The following GCNT1 variants were observed in gnomAD, a reference collection of about 807,000 sequenced individuals.
GCNT1 encodes glucosaminyl (N-acetyl) transferase 1, also known as beta-1,3-galactosyl-O-glycosyl-glycoprotein beta-1,6-N-acetylglucosaminyltransferase.
Under a neutral mutation model 26.2 loss-of-function variants are expected in GCNT1, and 16 were observed. The observed-to-expected ratio is 0.61, with a 90% CI of 0.41 to 0.93. The LOEUF is 0.93. GCNT1 is among the 40% of genes least tolerant of loss of function. GCNT1 has a pLI of 0.00. For missense variants in GCNT1, 477 were observed against 526.7 expected, an observed-to-expected ratio of 0.91 and a Z score of 0.92; for synonymous variants, 183 against 190.8, an observed-to-expected ratio of 0.96 and a Z score of 0.34.
chr9:76,485,650 C>T (rs1352324424), intron 2 of GCNT1, among the ~76,000 whole-genome samples: 2 of 152,158 alleles, frequency 1.3e-5, no homozygotes, highest in African/African-American at 4.8e-5. Context: ...ACACAACCAT[C>T]ATCTTGGGAT....
upstream of GCNT1, among the ~76,000 whole-genome samples, chr9:76,458,807 A>G (rs112876582): frequency 1.8e-3 from 268 of 152,344 alleles, no homozygotes; most frequent in Non-Finnish European, 2.8e-3. Flanking sequence ...GGTTATCTCT[A>G]AACTTTACAT....
At chr9:76,484,525 C>G (rs1344826925) in intron 2 of GCNT1, among the ~76,000 whole-genome samples, 1 of 152,056 alleles carries the variant, frequency 6.6e-6, no homozygotes, top group Non-Finnish European at 1.5e-5. Context: ...TTGCAAATCT[C>G]TTTTACTGTT....
intron 2 of GCNT1, among the ~76,000 whole-genome samples, chr9:76,470,503 G>A (rs1011223938): frequency 9.9e-5 from 15 of 151,690 alleles, no homozygotes; most frequent in African/African-American, 3.6e-4. Context: ...TACTCAGGAG[G>A]CTGAGTTGGG....
At chr9:76,483,069 T>C (rs1354951022) in intron 2 of GCNT1, among the ~76,000 whole-genome samples, 2 of 152,150 alleles carry the variant, frequency 1.3e-5, no homozygotes, top group African/African-American at 4.8e-5. Flanking sequence ...TGTATTACAA[T>C]GTAATAATAG....
At chr9:76,477,519 C>CT (rs75265523) in intron 2 of GCNT1, among the ~76,000 whole-genome samples, 77,942 of 140,806 alleles carry the variant, frequency 0.55, 21,937 homozygotes, top group South Asian at 0.66. Context: ...GAGTGAGACT[C>CT]TGTCTCCAAA....
the GCNT1 span, among the ~76,000 whole-genome samples, chr9:76,410,267 A>G: frequency 8.5e-5 from 13 of 152,102 alleles, no homozygotes; most frequent in Non-Finnish European, 1.8e-4. Flanking sequence ...CCCCATCTCT[A>G]CTAAAAATAC....
chr9:76,492,851 G>A (rs796656705), intron 2 of GCNT1, among the ~76,000 whole-genome samples: 13 of 151,896 alleles, frequency 8.6e-5, no homozygotes, highest in East Asian at 3.9e-4. Context: ...CTCTGATCCC[G>A]CTTTTCCTTT....
intron 1 of GCNT1, among the ~76,000 whole-genome samples, chr9:76,432,577 T>C (rs999786347): frequency 6.6e-6 from 1 of 152,134 alleles, no homozygotes; most frequent in African/African-American, 2.4e-5. Flanking sequence ...TGAGCCTAGG[T>C]GATCCGCCTG....
chr9:76,396,922 G>A, the GCNT1 span, among the ~76,000 whole-genome samples: 2 of 152,158 alleles, frequency 1.3e-5, no homozygotes, highest in Non-Finnish European at 2.9e-5. Context: ...CAGAATTTGA[G>A]GCAGCAGTGA....
the GCNT1 span, among the ~76,000 whole-genome samples, chr9:76,404,351 G>C: frequency 6.6e-6 from 1 of 152,036 alleles, no homozygotes. Flanking sequence ...ATCTGCTGAT[G>C]TGTCAGCATG....
intron 2 of GCNT1, among the ~76,000 whole-genome samples, chr9:76,482,702 T>C (rs963210548): frequency 2.6e-5 from 4 of 151,898 alleles, no homozygotes; most frequent in Non-Finnish European, 4.4e-5. Flanking sequence ...TGGAGTGCAG[T>C]GGTGTGATCA....
chr9:76,444,033 C>T (rs1823532722), intron 1 of GCNT1, among the ~76,000 whole-genome samples: 1 of 151,676 alleles, frequency 6.6e-6, no homozygotes. Context: ...TGGGTGTGTG[C>T]TTTGTGAGAA....
At chr9:76,454,061 T>C (rs528551014) in intron 1 of GCNT1, among the ~76,000 whole-genome samples, 11 of 152,234 alleles carry the variant, frequency 7.2e-5, no homozygotes, top group Non-Finnish European at 1.3e-4. Flanking sequence ...TTTTTCTTTT[T>C]TTGGTAGTAG....
intron 2 of GCNT1, among the ~76,000 whole-genome samples, chr9:76,494,516 G>A (rs1157488529): frequency 6.6e-6 from 1 of 152,176 alleles, no homozygotes; most frequent in Non-Finnish European, 1.5e-5. Context: ...CCATATCCTA[G>A]CTTCAGGAGT....
the GCNT1 span, chr9:76,394,446 G>A: frequency 1.4e-5 from 5 of 365,242 alleles, no homozygotes; most frequent in East Asian, 5.1e-5. Flanking sequence ...GAGCGGGGTG[G>A]GGGGAGGGGG....
the GCNT1 span, chr9:76,399,292 G>A: frequency 5.7e-6 from 8 of 1,405,958 alleles, no homozygotes; most frequent in South Asian, 1.2e-5. Flanking sequence ...GGGAGGTCAT[G>A]CCTGATCTCT....
chr9:76,482,629 A>G (rs1824452958), intron 2 of GCNT1, among the ~76,000 whole-genome samples: 1 of 151,944 alleles, frequency 6.6e-6, no homozygotes, highest in Non-Finnish European at 1.5e-5. Flanking sequence ...ATCTCAAAAA[A>G]AAAAGAACTG....
At chr9:76,496,742 C>T (rs1824918183) in intron 2 of GCNT1, among the ~76,000 whole-genome samples, 1 of 152,064 alleles carries the variant, frequency 6.6e-6, no homozygotes, top group Non-Finnish European at 1.5e-5. Flanking sequence ...TTTTGTATTT[C>T]TTGGTCTTAA....
intron 2 of GCNT1, among the ~76,000 whole-genome samples, chr9:76,473,646 T>TA (rs1258140217): frequency 2.0e-5 from 3 of 152,276 alleles, no homozygotes; most frequent in African/African-American, 4.8e-5. Context: ...ATTAGTTTTT[T>TA]AAAAAAACAA....
Sources: allele counts gnomAD v4.1 joint callset (sites outside exome capture counted in the v4.1 genomes callset), GRCh38; gene constraint gnomAD v4.1.1; transcripts MANE v1.5; gene names NCBI Gene and HGNC (gene_info 2026-07-23, HGNC 2026-07-21).